Variants in PAPSS1 observed in about 807,000 individuals in gnomAD.
PAPSS1 encodes 3'-phosphoadenosine 5'-phosphosulfate synthase 1, also known as bifunctional 3'-phosphoadenosine 5'-phosphosulfate synthase 1.
A neutral mutation model predicts 72.0 loss-of-function variants in PAPSS1; 50 were observed. The ratio of observed to expected loss-of-function variants is 0.69; its 90% confidence interval spans 0.55 to 0.88. The LOEUF (loss-of-function observed/expected upper bound fraction) is 0.88, where lower values mean the gene tolerates loss of function less well. Ranked by LOEUF, PAPSS1 falls within the 40% of genes least tolerant of loss-of-function variation. The pLI, the probability that PAPSS1 is intolerant of heterozygous loss-of-function variation, is 0.00. For synonymous variants in PAPSS1, 261 were observed against 263.6 expected (o/e 0.99, Z 0.09); for missense variants, 657 against 782.2 (o/e 0.84, Z 1.91).
chr4:107,633,728 G>T (rs1280539677), intron 10 of PAPSS1, among the ~76,000 whole-genome samples: 1 of 152,006 alleles, frequency 6.6e-6, no homozygotes, highest in East Asian at 1.9e-4. Flanking sequence ...GACCATCCTG[G>T]CTAACACGGT....
At chr4:107,672,264 G>C (rs370307899) in intron 5 of PAPSS1, among the ~76,000 whole-genome samples, 1 of 152,198 alleles carries the variant, frequency 6.6e-6, no homozygotes, top group Admixed American at 6.5e-5. Context: ...GAAGCAGGGC[G>C]AGGCATCGCC....
At chr4:107,677,837 C>T (rs1028233063) in intron 5 of PAPSS1, among the ~76,000 whole-genome samples, 9 of 152,150 alleles carry the variant, frequency 5.9e-5, no homozygotes, top group African/African-American at 1.9e-4. Context: ...ACATATACAC[C>T]GTGGAATACT....
intron 5 of PAPSS1, among the ~76,000 whole-genome samples, chr4:107,660,563 G>C (rs1351199135): frequency 6.6e-6 from 1 of 152,072 alleles, no homozygotes; most frequent in Non-Finnish European, 1.5e-5. Flanking sequence ...TTGAAAATCA[G>C]AACTTTTTGA....
intron 2 of PAPSS1, among the ~76,000 whole-genome samples, chr4:107,700,303 T>A (rs1038360165): frequency 1.3e-5 from 2 of 152,176 alleles, no homozygotes; most frequent in Non-Finnish European, 2.9e-5. Flanking sequence ...TGGCAAAATG[T>A]ATCAAAATTT....
At chr4:107,617,219 T>C (rs1725847624) in intron 11 of PAPSS1, among the ~76,000 whole-genome samples, 1 of 151,754 alleles carries the variant, frequency 6.6e-6, no homozygotes, top group South Asian at 2.1e-4. Flanking sequence ...TTTTTTTTTT[T>C]TTTTTCACCA....
intron 5 of PAPSS1, among the ~76,000 whole-genome samples, chr4:107,680,075 G>A (rs1727762290): frequency 6.6e-6 from 1 of 151,806 alleles, no homozygotes; most frequent in Non-Finnish European, 1.5e-5. Flanking sequence ...AAAAACTGTG[G>A]GACAACATAT....
At chr4:107,656,765 T>C (rs566219035) in intron 7 of PAPSS1, 131 bp downstream of exon 7, 1 of 660,540 alleles carries the variant, frequency 1.5e-6, no homozygotes, top group African/African-American at 1.8e-5. Flanking sequence ...TCGGTACTGA[T>C]ATAACTTAGT....
chr4:107,674,372 G>C (rs1007353510), intron 5 of PAPSS1, among the ~76,000 whole-genome samples: 5 of 152,026 alleles, frequency 3.3e-5, no homozygotes, highest in African/African-American at 1.2e-4. Flanking sequence ...AAAAAGGCAG[G>C]GGTTGCAATC....
chr4:107,670,988 TGTG>T (rs1450511632), intron 5 of PAPSS1, among the ~76,000 whole-genome samples: 10 of 152,212 alleles, frequency 6.6e-5, no homozygotes, highest in Non-Finnish European at 1.3e-4. Flanking sequence ...GAACTGGAGT[TGTG>T]GTAACCAGTT....
Position 107,654,899 on chromosome 4 carries a change from T to C in PAPSS1, c.897A>G (p.Gly299=). ...QCLHFDCLLD[G]GVINLSVPIV... ...TAGGTACTGACAAGTTAATGACACC[T>C]CCTGCAGAGCACAAAAGAACATGAA... Residue 299 remains glycine (G), a splice_region_variant and synonymous_variant, in exon 8 of 12, where the codon GGA becomes GGG. Coordinates refer to ENST00000265174, the MANE Select transcript of PAPSS1 (RefSeq NM_005443.5). The C allele has an allele frequency of 6.2e-7, 1 of 1,611,752 alleles. No homozygotes were observed. Among genetic ancestry groups the C allele is most frequent in the Non-Finnish European group, 8.5e-7 (1 of 1,178,208 alleles).
intron 9 of PAPSS1, among the ~76,000 whole-genome samples, chr4:107,653,049 A>G (rs1219197165): frequency 1.3e-5 from 2 of 149,262 alleles, no homozygotes; most frequent in Non-Finnish European, 3.0e-5. Context: ...CATGACATTC[A>G]TATATATATG....
At chr4:107,628,471 A>C (rs541024552) in intron 11 of PAPSS1, among the ~76,000 whole-genome samples, 1 of 152,322 alleles carries the variant, frequency 6.6e-6, no homozygotes, top group South Asian at 2.1e-4. Context: ...CATTATTCCT[A>C]AATGGGGAAC....
intron 11 of PAPSS1, among the ~76,000 whole-genome samples, chr4:107,625,018 A>G (rs946063029): frequency 3.3e-5 from 5 of 152,228 alleles, no homozygotes; most frequent in Admixed American, 2.6e-4. Flanking sequence ...AAGGACTTTA[A>G]GGTTCTATAT....
intron 11 of PAPSS1, among the ~76,000 whole-genome samples, chr4:107,626,028 A>G (rs1202295245): frequency 6.6e-6 from 1 of 150,770 alleles, no homozygotes; most frequent in Non-Finnish European, 1.5e-5. Flanking sequence ...AATAAAAAAA[A>G]ATAGCCGGGC....
At chr4:107,691,644 C>A (rs1722920548) in intron 3 of PAPSS1, among the ~76,000 whole-genome samples, 1 of 152,140 alleles carries the variant, frequency 6.6e-6, no homozygotes. Flanking sequence ...CATCTAAGCC[C>A]AGGAGACGCA....
rs1207633025 is a variant in PAPSS1 at position 107,701,640 on chromosome 4, T to G, written c.61-355A>C. Among the ~76,000 whole-genome samples the G allele has an allele frequency of 2.6e-5, 4 of 152,308 alleles. No homozygotes were observed. The East Asian group carries it at 7.7e-4, about 29-fold the overall frequency. Reference sequence around the variant, plus strand: ...TCATTTATTCGTTCATCCATTCAGATAGTATCTACTGAGGCCCTACTAGTA... The same window carrying G: ...TCATTTATTCGTTCATCCATTCAGAGAGTATCTACTGAGGCCCTACTAGTA... On this transcript the variant is annotated intron_variant, in intron 1 of 11. Coordinates refer to ENST00000265174, the MANE Select transcript of PAPSS1 (RefSeq NM_005443.5).
chr4:107,712,997 G>A (rs1723534438), intron 1 of PAPSS1, among the ~76,000 whole-genome samples: 1 of 151,412 alleles, frequency 6.6e-6, no homozygotes, highest in African/African-American at 2.4e-5. Context: ...GCCCAGGCTG[G>A]AGTGCAGTGG....
At chr4:107,684,307 AC>A (rs1722715718) in intron 4 of PAPSS1, among the ~76,000 whole-genome samples, 1 of 152,162 alleles carries the variant, frequency 6.6e-6, no homozygotes, top group Admixed American at 6.6e-5. Flanking sequence ...GTTTTATTTA[AC>A]CCTATATATC....
chr4:107,673,677 A>C (rs558574606), intron 5 of PAPSS1, among the ~76,000 whole-genome samples: 200 of 152,278 alleles, frequency 1.3e-3, no homozygotes, highest in African/African-American at 4.6e-3. Context: ...CCAACATTCA[A>C]ATTCAGGAAA....
Sources: allele counts gnomAD v4.1 joint callset (sites outside exome capture counted in the v4.1 genomes callset), GRCh38; gene constraint gnomAD v4.1.1; transcripts MANE v1.5; gene names NCBI Gene and HGNC (gene_info 2026-07-23, HGNC 2026-07-21).